Variants in ENTPD6 observed in about 807,000 individuals in gnomAD.
ENTPD6 encodes the protein ectonucleoside triphosphate diphosphohydrolase 6.
ENTPD6 carries 46 observed loss-of-function variants against 61.5 expected under a neutral mutation model. That is an observed-to-expected ratio of 0.75 (90% CI 0.59 to 0.96). ENTPD6 has a LOEUF of 0.96. Among genes scored for constraint, ENTPD6 ranks in the 40% least tolerant of loss-of-function variants. ENTPD6 has a pLI of 0.00. For missense variants in ENTPD6, 612 were observed against 629.0 expected, an observed-to-expected ratio of 0.97 and a Z score of 0.29; for synonymous variants, 252 against 255.5, an observed-to-expected ratio of 0.99 and a Z score of 0.13.
chr20:25,212,719 T>G (rs149859157), intron 4 of ENTPD6, among the ~76,000 whole-genome samples: 77 of 152,128 alleles, frequency 5.1e-4, no homozygotes, highest in African/African-American at 1.8e-3. Context: ...TTGATTTGTT[T>G]TTTTGGGATG....
chr20:25,222,797 G>T (rs763821035), intron 11 of ENTPD6, 41 bp from the exon 12 acceptor site: 4 of 1,606,406 alleles, frequency 2.5e-6, no homozygotes, highest in Non-Finnish European at 3.4e-6. Context: ...AGGCCTGGGT[G>T]CTCGGAGCCC....
intron 9 of ENTPD6, among the ~76,000 whole-genome samples, chr20:25,218,305 C>A (rs2092451652): frequency 6.6e-6 from 1 of 152,194 alleles, no homozygotes; most frequent in South Asian, 2.1e-4. Flanking sequence ...TCGAGTCGGT[C>A]CCACTCACCA....
intron 12 of ENTPD6, chr20:25,223,895 T>C (rs2092716851): frequency 4.6e-6 from 2 of 438,846 alleles, no homozygotes; most frequent in African/African-American, 4.1e-5. Flanking sequence ...GGGGTGACCC[T>C]CTCAGCCCCC....
chr20:25,216,098 G>A (rs1235596257), intron 7 of ENTPD6, among the ~76,000 whole-genome samples: 1 of 152,226 alleles, frequency 6.6e-6, no homozygotes, highest in African/African-American at 2.4e-5. Context: ...TCTGCTGTAG[G>A]TGGAACAGGG....
chr20:25,195,876 C>G lies in ENTPD6; in HGVS notation c.-16+9C>G. Reference sequence around the variant, plus strand: ...GGAGCGCGCGGTGCATGGTAAGCGGCGGGCCGGGGCGCTGGCGGGGGCGGC... The same window carrying G: ...GGAGCGCGCGGTGCATGGTAAGCGGGGGGCCGGGGCGCTGGCGGGGGCGGC... On this transcript the variant is annotated intron_variant, in intron 1 of 14. Coordinates refer to ENST00000376652, the MANE Select transcript of ENTPD6 (RefSeq NM_001247.5). 1 of 1,234,794 alleles carries G rather than the reference C, an allele frequency of 8.1e-7. No homozygotes were observed. 76.5% of individuals were successfully genotyped at this position (1,234,794 alleles called of 1,614,324 possible). A position where few individuals can be genotyped will look rare whatever the true frequency, so the allele number is the denominator to read the frequency against.
rs998413330 is a variant in ENTPD6, at chr20:25,227,268, C to A, written c.*1671C>A. Among the ~76,000 whole-genome samples, 1 of 152,240 alleles carries A rather than the reference C, an allele frequency of 6.6e-6. No individual in the cohort carries two copies. The highest frequency in any genetic ancestry group is 6.5e-5 in the Admixed American group (1 of 15,288). On this transcript the variant is annotated 3_prime_UTR_variant, in exon 15 of 15. Coordinates refer to ENST00000376652, the MANE Select transcript of ENTPD6 (RefSeq NM_001247.5). ...CAAAAGACAAAAAGAGGAACAGTTT[C>A]CTCCCTCCCGCCTGGGCTGGGTCCC...
At position 25,207,352 on chromosome 20, in the gene ENTPD6, A is replaced by G; in HGVS notation, c.331A>G (p.Thr111Ala). 1 of 1,566,092 alleles carries G rather than the reference A, an allele frequency of 6.4e-7. No individual in the cohort carries two copies. ...FYGIMFDAGS[T>A]GTRVHVFQFT... ...CGGGATCATGTTTGATGCAGGAAGC[A>G]CTGGCACCCGAGTACACGTCTTCCA... Residue 111 changes from threonine to alanine, a missense_variant, in exon 3 of 15, where the codon ACT becomes GCT. By Grantham distance (58) the Thr-to-Ala change is moderately conservative. Coordinates refer to ENST00000376652, the MANE Select transcript of ENTPD6 (RefSeq NM_001247.5).
intron 6 of ENTPD6, 82 bp downstream of exon 6, chr20:25,215,024 C>T: frequency 1.1e-6 from 1 of 898,500 alleles, no homozygotes; most frequent in Non-Finnish European, 1.9e-6. Context: ...TAACCATCCG[C>T]CACCCCTCCC....
chr20:25,225,435 C>T, intron 14 of ENTPD6, 64 bp from the exon 15 acceptor site: 1 of 1,571,622 alleles, frequency 6.4e-7, no homozygotes, highest in South Asian at 1.1e-5. Context: ...GGAGCCACAG[C>T]CTCCTGATGC....
intron 5 of ENTPD6, 133 bp from the exon 6 acceptor site, chr20:25,214,734 A>T (rs2092215101): frequency 3.1e-6 from 2 of 646,924 alleles, no homozygotes; most frequent in Admixed American, 4.5e-5. Context: ...CAACTAATTG[A>T]TCACAACCAG....
chr20:25,195,838 C>T lies in ENTPD6; in HGVS notation c.-45C>T, dbSNP rs1375984714. On this transcript the variant is annotated 5_prime_UTR_variant, in exon 1 of 15. Coordinates refer to ENST00000376652, the MANE Select transcript of ENTPD6 (RefSeq NM_001247.5). The stretch of plus-strand genomic sequence containing the variant: ...GCTCCCCGGAAAAGGGCACTCGTCT[C>T]CGTGGGTGTGGCGGAGCGCGCGGTG... 1 of 1,239,548 alleles carries T rather than the reference C, an allele frequency of 8.1e-7. No homozygotes were observed. Among genetic ancestry groups the T allele is most frequent in the Non-Finnish European group, 1.0e-6 (1 of 988,576 alleles). The allele number at this position is 1,239,548 out of a possible 1,614,324, so 76.8% of individuals were successfully genotyped here.
At chr20:25,196,058 G>C (rs1217604143) in intron 1 of ENTPD6, 191 bp downstream of exon 1, 1 of 900,186 alleles carries the variant, frequency 1.1e-6, no homozygotes, top group Admixed American at 4.3e-5. Flanking sequence ...GCTGACCGGT[G>C]GGGGGCAAGT....
intron 8 of ENTPD6, 87 bp from the exon 9 acceptor site, chr20:25,217,414 TC>T (rs2092374842): frequency 8.0e-7 from 1 of 1,255,476 alleles, no homozygotes; most frequent in African/African-American, 1.5e-5. Flanking sequence ...CACCTGACCA[TC>T]CCCTTTCTTT....
At chr20:25,210,021 G>A (rs1362235609) in intron 4 of ENTPD6, 96 bp downstream of exon 4, 4 of 1,153,334 alleles carry the variant, frequency 3.5e-6, no homozygotes, top group Non-Finnish European at 5.2e-6. Flanking sequence ...CACAAAGGAA[G>A]GGGGCTTTGA....
At chr20:25,201,508 A>G (rs1001667939) in intron 1 of ENTPD6, among the ~76,000 whole-genome samples, 2 of 152,208 alleles carry the variant, frequency 1.3e-5, no homozygotes, top group Non-Finnish European at 2.9e-5. Context: ...TTATCATGAT[A>G]TAATGTACTT....
At chr20:25,215,216 T>G (rs2092248925) in intron 6 of ENTPD6, among the ~76,000 whole-genome samples, 1 of 152,244 alleles carries the variant, frequency 6.6e-6, no homozygotes, top group Non-Finnish European at 1.5e-5. Flanking sequence ...AAAAACATTG[T>G]GTTTTTAGTT....
At chr20:25,206,463 A>G in intron 1 of ENTPD6, 59 bp from the exon 2 acceptor site, 1 of 1,299,140 alleles carries the variant, frequency 7.7e-7, no homozygotes, top group Non-Finnish European at 1.1e-6. Context: ...TTATTTTGCT[A>G]CTCTAGTAGA....
intron 1 of ENTPD6, among the ~76,000 whole-genome samples, chr20:25,200,866 A>C (rs373250961): frequency 7.5e-6 from 1 of 133,306 alleles, no homozygotes; most frequent in Admixed American, 7.4e-5. Flanking sequence ...CTTTATGTTT[A>C]GTTTGTTCTT....
At position 25,221,087 on chromosome 20, in the gene ENTPD6, G is replaced by A. The variant is rs1433542537; in HGVS notation, c.944-145G>A. On this transcript the variant is annotated intron_variant, in intron 10 of 14. Coordinates refer to ENST00000376652, the MANE Select transcript of ENTPD6 (RefSeq NM_001247.5). The stretch of plus-strand genomic sequence containing the variant: ...CGAGGCTTTGCTGCCACTTCCCAGG[G>A]AGGTGTTGCCTTCCCAGTGGACCTG... The A allele has an allele frequency of 4.8e-6, 3 of 624,228 alleles. No individual in the cohort carries two copies. The South Asian group carries it at 5.9e-5, about 12-fold the overall frequency. 38.7% of individuals were successfully genotyped at this position (624,228 alleles called of 1,614,324 possible). A position where few individuals can be genotyped will look rare whatever the true frequency, so the allele number is the denominator to read the frequency against.
Sources: allele counts gnomAD v4.1 joint callset (sites outside exome capture counted in the v4.1 genomes callset), GRCh38; gene constraint gnomAD v4.1.1; transcripts MANE v1.5; gene names NCBI Gene and HGNC (gene_info 2026-07-23, HGNC 2026-07-21).